The following SLC25A26 variants were observed in gnomAD, a reference collection of about 807,000 sequenced individuals.
SLC25A26 encodes the protein solute carrier family 25 member 26.
A neutral mutation model predicts 37.8 loss-of-function variants in SLC25A26; 36 were observed. That is an observed-to-expected ratio of 0.95 (90% confidence interval 0.73 to 1.26). The LOEUF is 1.26. Ranked by LOEUF, SLC25A26 falls within the 50% of genes most tolerant of loss-of-function variation. The pLI is 0.00. For synonymous variants in SLC25A26, 129 were observed against 122.5 expected (o/e 1.05, Z -0.35); for missense variants, 390 against 331.1 (o/e 1.18, Z -1.38).
At chr3:66,297,597 C>G (rs950289881) in intron 5 of SLC25A26, among the ~76,000 whole-genome samples, 1 of 152,072 alleles carries the variant, frequency 6.6e-6, no homozygotes, top group Non-Finnish European at 1.5e-5. Context: ...TATTGATTTC[C>G]TTTTTTAAAA....
chr3:66,302,472 T>C (rs1463862351), intron 5 of SLC25A26, among the ~76,000 whole-genome samples: 2 of 148,634 alleles, frequency 1.3e-5, no homozygotes, highest in Non-Finnish European at 2.9e-5. Context: ...CCACTTCCTG[T>C]TGTTTTGACA....
rs564092970 is a variant in SLC25A26 at position 66,371,495 on chromosome 3, A to C, written c.707+893A>C. The C allele has an allele frequency of 2.2e-4, 301 of 1,366,308 alleles. 3 individuals carry two copies. In the South Asian group the frequency reaches 5.5e-3, roughly 25 times the overall value. The allele number at this position is 1,366,308 out of a possible 1,614,324, so 84.6% of individuals were successfully genotyped here. A position where few individuals can be genotyped will look rare whatever the true frequency, so the allele number is the denominator to read the frequency against. On this transcript the variant is annotated intron_variant, in intron 9 of 9. Coordinates refer to ENST00000354883, the MANE Select transcript of SLC25A26 (RefSeq NM_001379210.1). ...TTTTCCAGTTGGAAGTTTGAAAAGT[A>C]GGTGATATTGGATGGTTTTGTTGAA...
intron 5 of SLC25A26, among the ~76,000 whole-genome samples, chr3:66,344,266 C>T (rs928690006): frequency 2.6e-5 from 4 of 152,090 alleles, no homozygotes; most frequent in Non-Finnish European, 4.4e-5. Context: ...AGTTCGAGAC[C>T]AGCCTGGCTA....
chr3:66,290,837 T>C (rs2074680373), intron 5 of SLC25A26, among the ~76,000 whole-genome samples: 1 of 152,228 alleles, frequency 6.6e-6, no homozygotes, highest in Non-Finnish European at 1.5e-5. Context: ...ATAAAATGAA[T>C]TACGGAGGAG....
intron 1 of SLC25A26, among the ~76,000 whole-genome samples, chr3:66,143,656 G>A (rs1382417348): frequency 2.6e-5 from 4 of 152,178 alleles, no homozygotes; most frequent in Non-Finnish European, 4.4e-5. Context: ...GGCCAAGGTG[G>A]GTAGATTGCT....
At chr3:66,268,372 A>G (rs2073836283) in intron 5 of SLC25A26, among the ~76,000 whole-genome samples, 1 of 152,252 alleles carries the variant, frequency 6.6e-6, no homozygotes, top group African/African-American at 2.4e-5. Context: ...CCAACAATGT[A>G]GGAGCCTTCT....
At chr3:66,275,231 T>G (rs984401484) in intron 5 of SLC25A26, among the ~76,000 whole-genome samples, 1 of 114,556 alleles carries the variant, frequency 8.7e-6, no homozygotes, top group Non-Finnish European at 1.7e-5. Flanking sequence ...AAGGGGAACA[T>G]CACACTCTGG....
At chr3:66,303,733 G>C (rs1399096402) in intron 5 of SLC25A26, among the ~76,000 whole-genome samples, 2 of 152,174 alleles carry the variant, frequency 1.3e-5, no homozygotes, top group African/African-American at 4.8e-5. Context: ...ATGATCTCAT[G>C]GGTCTCTACA....
chr3:66,231,670 AT>A (rs1459676793), intron 1 of SLC25A26, among the ~76,000 whole-genome samples: 1 of 152,110 alleles, frequency 6.6e-6, no homozygotes, highest in Non-Finnish European at 1.5e-5. Flanking sequence ...ATTTTAAAAG[AT>A]GGGATTATAT....
At chr3:66,281,970 G>A (rs771221241) in intron 5 of SLC25A26, among the ~76,000 whole-genome samples, 14 of 137,638 alleles carry the variant, frequency 1.0e-4, no homozygotes, top group Non-Finnish European at 1.7e-4. Flanking sequence ...TTACAGGCAC[G>A]CACCACCACA....
At chr3:66,265,893 A>G (rs1042923447) in intron 5 of SLC25A26, among the ~76,000 whole-genome samples, 1 of 152,236 alleles carries the variant, frequency 6.6e-6, no homozygotes, top group African/African-American at 2.4e-5. Context: ...GGACAAAGAG[A>G]GGCAATAAGC....
At chr3:66,284,817 C>T (rs56788232) in intron 5 of SLC25A26, among the ~76,000 whole-genome samples, 5,950 of 151,944 alleles carry the variant, frequency 0.039, 377 homozygotes, top group African/African-American at 0.14. Context: ...GAAAACACGG[C>T]GAAAGGTTAA....
intron 5 of SLC25A26, among the ~76,000 whole-genome samples, chr3:66,330,849 G>C (rs1404711845): frequency 6.6e-6 from 1 of 152,080 alleles, no homozygotes; most frequent in Non-Finnish European, 1.5e-5. Context: ...ACACTCATTT[G>C]CAAGGAATCA....
intron 5 of SLC25A26, among the ~76,000 whole-genome samples, chr3:66,291,924 G>T (rs923273477): frequency 6.6e-6 from 1 of 152,148 alleles, no homozygotes; most frequent in African/African-American, 2.4e-5. Context: ...CTGTTGTTGT[G>T]TGGGCATCTA....
chr3:66,164,920 A>T (rs904078876), intron 1 of SLC25A26, among the ~76,000 whole-genome samples: 1 of 152,230 alleles, frequency 6.6e-6, no homozygotes, highest in Non-Finnish European at 1.5e-5. Context: ...TGCGATGACA[A>T]GGATGCATGG....
At position 66,333,927 on chromosome 3, in the gene SLC25A26, C is replaced by T. The variant is rs151163628; in HGVS notation, c.454-12437C>T. Among the ~76,000 whole-genome samples, 539 of 152,232 alleles carry T rather than the reference C, an allele frequency of 3.5e-3. 2 individuals are homozygous for T. The highest frequency in any genetic ancestry group is 5.4e-3 in the Admixed American group (82 of 15,290). On this transcript the variant is annotated intron_variant, in intron 5 of 9. Transcript: ENST00000354883. ...CTTCCATTTAGCTGTCTGCAGGTCC[C>T]GGGGCTGTGTTCTGTTGCAGCAGAC...
intron 5 of SLC25A26, among the ~76,000 whole-genome samples, chr3:66,269,766 T>C (rs1335888148): frequency 6.6e-6 from 1 of 152,212 alleles, no homozygotes; most frequent in Non-Finnish European, 1.5e-5. Context: ...TCCCCCTTCT[T>C]GTATCAGTGC....
At chr3:66,267,910 G>A (rs946168177) in intron 5 of SLC25A26, among the ~76,000 whole-genome samples, 6 of 152,286 alleles carry the variant, frequency 3.9e-5, no homozygotes, top group East Asian at 1.9e-4. Context: ...AACCTTCAGC[G>A]ATCAAGCGTC....
intron 1 of SLC25A26, among the ~76,000 whole-genome samples, chr3:66,162,257 C>T (rs968408651): frequency 2.6e-5 from 4 of 151,524 alleles, no homozygotes; most frequent in Admixed American, 1.3e-4. Context: ...CTCATTTTAC[C>T]TTACTTACCT....
Sources: allele counts gnomAD v4.1 joint callset (sites outside exome capture counted in the v4.1 genomes callset), GRCh38; gene constraint gnomAD v4.1.1; transcripts MANE v1.5; gene names NCBI Gene and HGNC (gene_info 2026-07-23, HGNC 2026-07-21).